Variants in TBC1D4 observed in about 807,000 individuals in gnomAD.
TBC1D4 encodes TBC (Tre-2, BUB2, CDC16) domain-containing protein.
TBC1D4 carries 121 observed loss-of-function variants against 142.5 expected under a neutral mutation model. That is an observed-to-expected ratio of 0.85 (90% CI 0.73 to 0.99). The LOEUF is 0.99. Ranked by LOEUF, TBC1D4 falls within the 50% of genes least tolerant of loss-of-function variation. The pLI, the probability that TBC1D4 is intolerant of heterozygous loss-of-function variation, is 0.00. For synonymous variants in TBC1D4, 630 were observed against 628.2 expected (o/e 1.00, Z -0.04); for missense variants, 1,475 against 1,606.6 (o/e 0.92, Z 1.40).
intron 1 of TBC1D4, among the ~76,000 whole-genome samples, chr13:75,424,178 C>T (rs1886280516): frequency 6.6e-6 from 1 of 150,380 alleles, no homozygotes; most frequent in South Asian, 2.1e-4. Context: ...GAGGCTGAGG[C>T]AGGAAGATCC....
At chr13:75,391,720 C>T (rs1174924898) in intron 1 of TBC1D4, among the ~76,000 whole-genome samples, 1 of 152,142 alleles carries the variant, frequency 6.6e-6, no homozygotes, top group African/African-American at 2.4e-5. Flanking sequence ...TTCATGCAGT[C>T]TTCTGGTTTA....
chr13:75,303,705 C>T (rs906927731), intron 15 of TBC1D4, among the ~76,000 whole-genome samples: 12 of 152,094 alleles, frequency 7.9e-5, no homozygotes, highest in East Asian at 1.9e-4. Flanking sequence ...TATTATTGTC[C>T]GACAGGTGAA....
chr13:75,311,939 ATAT>A (rs1473301767), intron 13 of TBC1D4, among the ~76,000 whole-genome samples: 1 of 152,144 alleles, frequency 6.6e-6, no homozygotes, highest in Non-Finnish European at 1.5e-5. Flanking sequence ...TGTTACTCAA[ATAT>A]TATTTATATT....
At chr13:75,463,481 C>T (rs1274654043) in intron 1 of TBC1D4, among the ~76,000 whole-genome samples, 3 of 152,180 alleles carry the variant, frequency 2.0e-5, no homozygotes, top group Admixed American at 6.5e-5. Context: ...GATTCTGATT[C>T]TACATCTCTA....
intron 5 of TBC1D4, among the ~76,000 whole-genome samples, chr13:75,348,468 T>G (rs1881329638): frequency 6.6e-6 from 1 of 152,256 alleles, no homozygotes; most frequent in Non-Finnish European, 1.5e-5. Flanking sequence ...GCACATTGCC[T>G]GGTCCAGAGT....
chr13:75,417,251 C>A (rs1885960104), intron 1 of TBC1D4, among the ~76,000 whole-genome samples: 1 of 152,154 alleles, frequency 6.6e-6, no homozygotes, highest in East Asian at 1.9e-4. Context: ...TTGCCCTAGA[C>A]ACGTCACCTC....
chr13:75,350,332 C>T (rs1488816968), intron 4 of TBC1D4, among the ~76,000 whole-genome samples: 2 of 152,126 alleles, frequency 1.3e-5, no homozygotes, highest in African/African-American at 4.8e-5. Flanking sequence ...TAATCTACTT[C>T]TACATTTCAG....
At chr13:75,388,624 C>T (rs1884309886) in intron 1 of TBC1D4, among the ~76,000 whole-genome samples, 1 of 152,152 alleles carries the variant, frequency 6.6e-6, no homozygotes, top group African/African-American at 2.4e-5. Context: ...GTTTCATCTA[C>T]CATTGCTTTT....
chr13:75,322,941 A>G (rs577576264), intron 11 of TBC1D4, among the ~76,000 whole-genome samples: 1 of 152,266 alleles, frequency 6.6e-6, no homozygotes, highest in Non-Finnish European at 1.5e-5. Context: ...AATCAAATTC[A>G]CTGTTGGAAC....
At chr13:75,408,883 C>T (rs914952207) in intron 1 of TBC1D4, among the ~76,000 whole-genome samples, 1 of 152,038 alleles carries the variant, frequency 6.6e-6, no homozygotes, top group Non-Finnish European at 1.5e-5. Context: ...GGAAAAATAA[C>T]CATTCAAATA....
At chr13:75,471,676 T>C (rs1201627667) in intron 1 of TBC1D4, among the ~76,000 whole-genome samples, 3 of 150,984 alleles carry the variant, frequency 2.0e-5, no homozygotes. Context: ...AGGCGGAGGT[T>C]GCAGTGAGCC....
In TBC1D4 at chr13:75,388,948, C is replaced by T. The variant is rs529307146; in HGVS notation, c.499-26341G>A. ...GTTTATTGGTTTGTGTAGCCTTGTACAAATTTATTATTAGCAGCTCTAACT... is the reference window on the plus strand; with the variant it reads ...GTTTATTGGTTTGTGTAGCCTTGTATAAATTTATTATTAGCAGCTCTAACT... On this transcript the variant is annotated intron_variant, in intron 1 of 20. Transcript: ENST00000377636. 2.7e-4 allele frequency among the ~76,000 whole-genome samples: 41 copies of T among 152,288 alleles called. No homozygotes were observed. The South Asian group carries it at 5.2e-3, about 19-fold the overall frequency.
chr13:75,470,858 G>A (rs368118698), intron 1 of TBC1D4, among the ~76,000 whole-genome samples: 53 of 152,000 alleles, frequency 3.5e-4, no homozygotes, highest in African/African-American at 9.2e-4. Context: ...GCGGTGGAGC[G>A]TGCCTGTAGT....
At chr13:75,355,155 G>C (rs1881938801) in intron 4 of TBC1D4, among the ~76,000 whole-genome samples, 1 of 152,280 alleles carries the variant, frequency 6.6e-6, no homozygotes, top group Non-Finnish European at 1.5e-5. Context: ...AGTCGGGCAG[G>C]GATAATTGTG....
intron 1 of TBC1D4, among the ~76,000 whole-genome samples, chr13:75,403,380 A>G (rs2138360970): frequency 6.6e-6 from 1 of 152,372 alleles, no homozygotes; most frequent in South Asian, 2.1e-4. Context: ...TTTTAATTGT[A>G]GGCTCTATTC....
chr13:75,300,899 A>G (rs181794612), intron 16 of TBC1D4, among the ~76,000 whole-genome samples: 2 of 152,292 alleles, frequency 1.3e-5, no homozygotes, highest in African/African-American at 4.8e-5. Context: ...AAGGAAGGTA[A>G]TATGTCTAAG....
chr13:75,382,755 CA>C (rs1593820398), intron 1 of TBC1D4, among the ~76,000 whole-genome samples: 1 of 152,272 alleles, frequency 6.6e-6, no homozygotes, highest in East Asian at 1.9e-4. Context: ...ATGTAAAATG[CA>C]GAGTCAATTT....
intron 1 of TBC1D4, among the ~76,000 whole-genome samples, chr13:75,410,582 C>T (rs1361026658): frequency 1.3e-5 from 2 of 152,172 alleles, no homozygotes; most frequent in Admixed American, 6.5e-5. Flanking sequence ...AAATTAAACA[C>T]CTGTCTGTTT....
chr13:75,385,603 G>A lies in TBC1D4; in HGVS notation c.499-22996C>T, dbSNP rs539037609. Among the ~76,000 whole-genome samples, 6 of 152,324 alleles carry A rather than the reference G, an allele frequency of 3.9e-5. No homozygotes were observed. The East Asian group carries it at 1.2e-3, about 29-fold the overall frequency. On this transcript the variant is annotated intron_variant, in intron 1 of 20. Transcript: ENST00000377636. ...TGAACGTGAGTATCTGGGAAAGTTA[G>A]CTCTTTGCAAATAATATTTGCTATG...
Sources: allele counts gnomAD v4.1 joint callset (sites outside exome capture counted in the v4.1 genomes callset), GRCh38; gene constraint gnomAD v4.1.1; transcripts MANE v1.5; gene names NCBI Gene and HGNC (gene_info 2026-07-23, HGNC 2026-07-21).